The following RBPMS variants were observed in gnomAD, a reference collection of about 807,000 sequenced individuals.
RBPMS encodes the protein RNA binding protein, mRNA processing factor.
In RBPMS, 7 loss-of-function variants were observed where a neutral mutation model predicts 26.8. That is an observed-to-expected ratio of 0.26 (90% confidence interval 0.15 to 0.49). RBPMS has a LOEUF of 0.49. RBPMS is among the 20% of genes least tolerant of loss of function. The pLI is 0.98. For synonymous variants in RBPMS, 96 were observed against 93.3 expected, an observed-to-expected ratio of 1.03 and a Z score of -0.17; for missense variants, 186 against 250.0, an observed-to-expected ratio of 0.74 and a Z score of 1.73.
At chr8:30,528,491 A>G (rs1007426646) in intron 5 of RBPMS, among the ~76,000 whole-genome samples, 1 of 152,196 alleles carries the variant, frequency 6.6e-6, no homozygotes, top group Non-Finnish European at 1.5e-5. Context: ...AGGTCTTAAC[A>G]TAGTTCTGGG....
intron 5 of RBPMS, among the ~76,000 whole-genome samples, chr8:30,527,489 C>T (rs955073415): frequency 5.3e-5 from 8 of 152,224 alleles, no homozygotes; most frequent in Admixed American, 4.6e-4. Context: ...CCAACAGTTT[C>T]TATTCCCTCT....
intron 4 of RBPMS, among the ~76,000 whole-genome samples, chr8:30,499,124 A>T (rs1468068412): frequency 6.6e-6 from 1 of 152,162 alleles, no homozygotes; most frequent in African/African-American, 2.4e-5. Flanking sequence ...GATACACTGT[A>T]TATAAAAGGA....
intron 1 of RBPMS, among the ~76,000 whole-genome samples, chr8:30,423,893 C>G (rs1215738809): frequency 1.3e-5 from 2 of 151,666 alleles, no homozygotes; most frequent in Non-Finnish European, 2.9e-5. Context: ...GCTGGAGTGC[C>G]ATGGCACGAT....
chr8:30,453,421 G>A (rs1814831901), intron 1 of RBPMS, among the ~76,000 whole-genome samples: 1 of 152,108 alleles, frequency 6.6e-6, no homozygotes, highest in Non-Finnish European at 1.5e-5. Flanking sequence ...CTGTTGGTTT[G>A]TGGATCTGCT....
At chr8:30,514,680 C>CTTTGTTTTTTTTTTTTTTT (rs1822105007) in intron 5 of RBPMS, among the ~76,000 whole-genome samples, 1 of 82,650 alleles carries the variant, frequency 1.2e-5, no homozygotes, top group African/African-American at 5.3e-5. Flanking sequence ...CCATGCCGGG[C>CTTTGTTTTTTTTTTTTTTT]TTTTTTTTTT....
chr8:30,556,091 A>G, intron 6 of RBPMS: 1 of 985,364 alleles, frequency 1.0e-6, no homozygotes, highest in Non-Finnish European at 1.2e-6. Context: ...GTGTCTGTGG[A>G]TGCGGTGAGA....
chr8:30,477,094 T>A (rs1194537407), intron 2 of RBPMS, among the ~76,000 whole-genome samples: 2 of 152,148 alleles, frequency 1.3e-5, no homozygotes, highest in South Asian at 2.1e-4. Context: ...TGGCTGTGTC[T>A]CCCAGGCTGG....
intron 5 of RBPMS, among the ~76,000 whole-genome samples, chr8:30,515,837 T>C (rs941796577): frequency 6.6e-6 from 1 of 152,042 alleles, no homozygotes; most frequent in Non-Finnish European, 1.5e-5. Context: ...CTAATTTTTT[T>C]GTAGAGATGG....
intron 1 of RBPMS, among the ~76,000 whole-genome samples, chr8:30,455,350 G>T (rs1283059068): frequency 6.6e-6 from 1 of 152,070 alleles, no homozygotes; most frequent in Non-Finnish European, 1.5e-5. Flanking sequence ...CAAAGTTATA[G>T]TGATAAGTGA....
At chr8:30,511,387 C>T (rs1318482333) in intron 5 of RBPMS, among the ~76,000 whole-genome samples, 4 of 149,630 alleles carry the variant, frequency 2.7e-5, no homozygotes, top group Admixed American at 1.3e-4. Flanking sequence ...TTTGGGAGGC[C>T]GAGGCAGGCG....
At chr8:30,479,711 G>A (rs1469050642) in intron 4 of RBPMS, among the ~76,000 whole-genome samples, 4 of 151,892 alleles carry the variant, frequency 2.6e-5, no homozygotes, top group East Asian at 3.9e-4. Context: ...TATTTGAGGC[G>A]TTAGCTTGCT....
chr8:30,446,117 C>A (rs1378290246), intron 1 of RBPMS, among the ~76,000 whole-genome samples: 4 of 152,192 alleles, frequency 2.6e-5, no homozygotes, highest in African/African-American at 9.7e-5. Context: ...TTTGTATACA[C>A]TTATCTCTTT....
intron 4 of RBPMS, among the ~76,000 whole-genome samples, chr8:30,496,050 G>T (rs1585658825): frequency 2.6e-5 from 4 of 152,124 alleles, no homozygotes; most frequent in Middle Eastern, 3.2e-3. Context: ...TTTTGGATGA[G>T]AATTCTTAAC....
intron 4 of RBPMS, among the ~76,000 whole-genome samples, chr8:30,482,052 C>A (rs1818336197): frequency 6.6e-6 from 1 of 152,210 alleles, no homozygotes; most frequent in Non-Finnish European, 1.5e-5. Flanking sequence ...ATTTAATTCA[C>A]AATGTCCAGG....
intron 5 of RBPMS, among the ~76,000 whole-genome samples, chr8:30,542,114 C>T (rs1333382767): frequency 2.0e-5 from 3 of 152,160 alleles, no homozygotes; most frequent in Non-Finnish European, 4.4e-5. Context: ...GTAAGTTCAC[C>T]TTTATCTCTT....
chr8:30,409,497 GTGTTT>G (rs1235908514), intron 1 of RBPMS, among the ~76,000 whole-genome samples: 2 of 151,620 alleles, frequency 1.3e-5, no homozygotes, highest in African/African-American at 4.8e-5. Context: ...CCGGCCTAGA[GTGTTT>G]TCTTTAATCT....
chr8:30,526,280 T>C (rs901061071), intron 5 of RBPMS, among the ~76,000 whole-genome samples: 3 of 152,250 alleles, frequency 2.0e-5, no homozygotes, highest in Admixed American at 2.0e-4. Flanking sequence ...GCCCAATTTC[T>C]GGCCATAAAT....
In RBPMS at chr8:30,519,359, A is replaced by G. The variant is rs540021893; in HGVS notation, c.397+14923A>G. ...TCTCCTCCTCCTCAGTTGTCTTTTT[A>G]CAATTGAATTGGTCAGTCCATATAT... On this transcript the variant is annotated intron_variant, in intron 5 of 8. Transcript: ENST00000397323. Among the ~76,000 whole-genome samples the G allele has an allele frequency of 2.0e-3, 303 of 151,922 alleles. 1 individual carries two copies. The highest frequency in any genetic ancestry group is 6.5e-3 in the African/African-American group (269 of 41,394).
At chr8:30,506,704 G>A (rs906715726) in intron 5 of RBPMS, among the ~76,000 whole-genome samples, 1 of 152,174 alleles carries the variant, frequency 6.6e-6, no homozygotes, top group African/African-American at 2.4e-5. Flanking sequence ...GGCCCTGAAG[G>A]CTAGTCTTTG....
Sources: allele counts gnomAD v4.1 joint callset (sites outside exome capture counted in the v4.1 genomes callset), GRCh38; gene constraint gnomAD v4.1.1; transcripts MANE v1.5; gene names NCBI Gene and HGNC (gene_info 2026-07-23, HGNC 2026-07-21).